Variants in WWOX observed in about 807,000 individuals in gnomAD.
The protein encoded by WWOX is WW domain-containing oxidoreductase.
A neutral mutation model predicts 46.2 loss-of-function variants in WWOX; 69 were observed. That is an observed-to-expected ratio of 1.49 (90% CI 1.23 to 1.82). WWOX has a LOEUF of 1.82. Among genes scored for constraint, WWOX ranks in the 40% most tolerant of loss-of-function variants. WWOX has a pLI of 0.00. For synonymous variants in WWOX, 359 were observed against 202.6 expected (o/e 1.77, Z -6.56); for missense variants, 919 against 542.6 (o/e 1.69, Z -6.89).
At chr16:79,007,678 A>G (rs754871395) in intron 8 of WWOX, among the ~76,000 whole-genome samples, 3 of 152,252 alleles carry the variant, frequency 2.0e-5, no homozygotes, top group Non-Finnish European at 2.9e-5. Context: ...CTGTTATCAG[A>G]TGAAGAAGTA....
chr16:78,602,943 TTC>T (rs2045657612), intron 8 of WWOX, among the ~76,000 whole-genome samples: 1 of 152,228 alleles, frequency 6.6e-6, no homozygotes. Flanking sequence ...CTGATTAGCT[TTC>T]TCTTTCCATC....
At chr16:78,295,200 T>C (rs1319329492) in intron 5 of WWOX, among the ~76,000 whole-genome samples, 2 of 152,186 alleles carry the variant, frequency 1.3e-5, no homozygotes, top group Non-Finnish European at 2.9e-5. Context: ...TCTACAACCC[T>C]GCAGATCAGA....
At chr16:78,131,524 G>A (rs1276432325) in intron 4 of WWOX, among the ~76,000 whole-genome samples, 1 of 151,444 alleles carries the variant, frequency 6.6e-6, no homozygotes, top group East Asian at 2.0e-4. Context: ...GAAACTCTGG[G>A]TAGTTTCTAA....
At chr16:78,708,454 T>G (rs1043739897) in intron 8 of WWOX, among the ~76,000 whole-genome samples, 1 of 152,344 alleles carries the variant, frequency 6.6e-6, no homozygotes, top group African/African-American at 2.4e-5. Flanking sequence ...TTGGTATCTT[T>G]CCTCCTGTGA....
intron 5 of WWOX, among the ~76,000 whole-genome samples, chr16:78,181,583 G>A (rs2151753691): frequency 6.6e-6 from 1 of 152,284 alleles, no homozygotes; most frequent in Middle Eastern, 3.4e-3. Flanking sequence ...ATCTACGCTG[G>A]GAGAGGAGGA....
At chr16:78,982,572 G>A (rs912148141) in intron 8 of WWOX, among the ~76,000 whole-genome samples, 4 of 152,142 alleles carry the variant, frequency 2.6e-5, no homozygotes, top group African/African-American at 9.7e-5. Flanking sequence ...TCAATTACAT[G>A]GTTAGCTAGG....
chr16:78,549,161 A>G (rs1266164732), intron 8 of WWOX, among the ~76,000 whole-genome samples: 1 of 152,160 alleles, frequency 6.6e-6, no homozygotes, highest in East Asian at 1.9e-4. Context: ...ATTGGGAGAG[A>G]TTGCCGGTCG....
intron 8 of WWOX, among the ~76,000 whole-genome samples, chr16:78,608,167 G>A (rs958265165): frequency 3.3e-5 from 5 of 152,088 alleles, no homozygotes; most frequent in Non-Finnish European, 5.9e-5. Context: ...ACCATGCCAC[G>A]GGGCCCTTCC....
chr16:78,606,861 T>C (rs1438035145), intron 8 of WWOX, among the ~76,000 whole-genome samples: 1 of 152,046 alleles, frequency 6.6e-6, no homozygotes, highest in Non-Finnish European at 1.5e-5. Flanking sequence ...ACTGAGTACC[T>C]GAACACTTGA....
intron 8 of WWOX, among the ~76,000 whole-genome samples, chr16:79,151,780 T>G (rs2050284395): frequency 6.6e-6 from 1 of 152,230 alleles, no homozygotes; most frequent in Non-Finnish European, 1.5e-5. Flanking sequence ...TATTTGATCC[T>G]GGAGTTGCTG....
intron 5 of WWOX, among the ~76,000 whole-genome samples, chr16:78,282,099 G>T (rs925643055): frequency 2.6e-5 from 4 of 152,144 alleles, no homozygotes; most frequent in Admixed American, 2.0e-4. Flanking sequence ...AATCAGTCAT[G>T]TCCCCGGATG....
At chr16:79,073,265 C>T (rs761899805) in intron 8 of WWOX, among the ~76,000 whole-genome samples, 10 of 151,832 alleles carry the variant, frequency 6.6e-5, no homozygotes, top group Admixed American at 1.3e-4. Flanking sequence ...CTGCGACCTC[C>T]ACCTCTTGGG....
At chr16:79,057,462 C>T (rs1280560119) in intron 8 of WWOX, among the ~76,000 whole-genome samples, 1 of 152,198 alleles carries the variant, frequency 6.6e-6, no homozygotes, top group African/African-American at 2.4e-5. Flanking sequence ...GGCTCCTTCT[C>T]ATTAGAGTCT....
chr16:79,123,022 AC>A (rs1472118229), intron 8 of WWOX, among the ~76,000 whole-genome samples: 2 of 152,132 alleles, frequency 1.3e-5, no homozygotes, highest in African/African-American at 4.8e-5. Flanking sequence ...AACAATGTGA[AC>A]GCAAGGTGAG....
intron 8 of WWOX, among the ~76,000 whole-genome samples, chr16:78,986,103 T>C (rs1597240381): frequency 6.6e-6 from 1 of 152,318 alleles, no homozygotes; most frequent in African/African-American, 2.4e-5. Context: ...GAACCGGGGC[T>C]CCGGGAGACA....
At chr16:78,581,214 C>G (rs1227850608) in intron 8 of WWOX, among the ~76,000 whole-genome samples, 1 of 152,006 alleles carries the variant, frequency 6.6e-6, no homozygotes, top group African/African-American at 2.4e-5. Context: ...ACATATGGTC[C>G]TTTGAACTAA....
At chr16:78,926,122 T>C (rs2045491791) in intron 8 of WWOX, among the ~76,000 whole-genome samples, 1 of 152,004 alleles carries the variant, frequency 6.6e-6, no homozygotes, top group South Asian at 2.1e-4. Flanking sequence ...ATACAGCACT[T>C]TGGGAGTGGA....
intron 5 of WWOX, among the ~76,000 whole-genome samples, chr16:78,214,832 CA>C (rs34240900): frequency 0.6 from 88,520 of 146,484 alleles, 27,554 homozygotes; most frequent in African/African-American, 0.82. Context: ...TAAATATTAC[CA>C]AAAAAAAAAA....
At chr16:78,413,593 T>G (rs1317420576) in intron 6 of WWOX, among the ~76,000 whole-genome samples, 1 of 152,022 alleles carries the variant, frequency 6.6e-6, no homozygotes. Context: ...TGTCATCAGT[T>G]AAGGCTATTT....
Sources: gnomAD v4.1 joint callset for allele counts (sites outside exome capture counted in the v4.1 genomes callset) on GRCh38, gnomAD v4.1.1 for gene constraint, MANE v1.5 for transcripts, NCBI Gene and HGNC (gene_info 2026-07-23, HGNC 2026-07-21) for gene names.